Variants in VEPH1 observed in about 807,000 individuals in gnomAD.
VEPH1 encodes the protein ventricular zone expressed PH domain containing 1, also known as ventricular zone-expressed PH domain-containing protein homolog 1.
VEPH1 carries 80 observed loss-of-function variants against 85.2 expected under a neutral mutation model. The ratio of observed to expected loss-of-function variants is 0.94; its 90% CI spans 0.78 to 1.13. The LOEUF is 1.13. Among genes scored for constraint, VEPH1 ranks in the 50% most tolerant of loss-of-function variants. The pLI, the probability that VEPH1 is intolerant of heterozygous loss-of-function variation, is 0.00. For missense variants in VEPH1, 955 were observed against 980.5 expected (o/e 0.97, Z 0.35); for synonymous variants, 297 against 348.0 (o/e 0.85, Z 1.63).
chr3:157,335,761 G>A (rs1290512977), intron 9 of VEPH1, among the ~76,000 whole-genome samples: 1 of 152,114 alleles, frequency 6.6e-6, no homozygotes, highest in African/African-American at 2.4e-5. Context: ...ATTCTGCTGG[G>A]AAAAAGATGG....
At chr3:157,318,728 G>A (rs755169221) in intron 9 of VEPH1, among the ~76,000 whole-genome samples, 23 of 151,946 alleles carry the variant, frequency 1.5e-4, no homozygotes, top group Admixed American at 1.5e-3. Flanking sequence ...TCTTACAATG[G>A]AAATGGACTA....
chr3:157,482,278 C>T (rs1390497284), intron 2 of VEPH1, among the ~76,000 whole-genome samples: 1 of 152,086 alleles, frequency 6.6e-6, no homozygotes, highest in Admixed American at 6.6e-5. Flanking sequence ...GGCTGGAGTG[C>T]AGTGATGGGA....
At chr3:157,502,916 C>T (rs1740228217) in intron 1 of VEPH1, among the ~76,000 whole-genome samples, 1 of 152,106 alleles carries the variant, frequency 6.6e-6, no homozygotes, top group African/African-American at 2.4e-5. Context: ...TTGCTGGTTG[C>T]AAAATGTTGA....
chr3:157,331,613 C>G (rs1172936050), intron 9 of VEPH1, among the ~76,000 whole-genome samples: 1 of 152,138 alleles, frequency 6.6e-6, no homozygotes, highest in African/African-American at 2.4e-5. Flanking sequence ...CACCTCTGGC[C>G]AGGGCAATAG....
chr3:157,314,729 T>A (rs1244462934), intron 10 of VEPH1, among the ~76,000 whole-genome samples: 2 of 152,026 alleles, frequency 1.3e-5, no homozygotes, highest in African/African-American at 2.4e-5. Flanking sequence ...ACAAAAACAG[T>A]TTTAATTCTA....
chr3:157,437,422 A>G, intron 4 of VEPH1: 6 of 1,480,926 alleles, frequency 4.1e-6, no homozygotes, highest in Non-Finnish European at 5.5e-6. Flanking sequence ...ACGGGCTGCA[A>G]CTTGGCACCA....
At chr3:157,303,191 G>A (rs896473391) in intron 11 of VEPH1, among the ~76,000 whole-genome samples, 2 of 152,014 alleles carry the variant, frequency 1.3e-5, no homozygotes, top group Admixed American at 6.5e-5. Flanking sequence ...AGGCCTTTGT[G>A]CAAATTGTTC....
At chr3:157,449,893 T>C (rs1201076274) in intron 4 of VEPH1, among the ~76,000 whole-genome samples, 3 of 151,728 alleles carry the variant, frequency 2.0e-5, no homozygotes, top group African/African-American at 7.2e-5. Context: ...GGGTATTGTA[T>C]ATTTTTCTAC....
At chr3:157,428,805 A>G (rs1732936213) in intron 4 of VEPH1, among the ~76,000 whole-genome samples, 1 of 152,230 alleles carries the variant, frequency 6.6e-6, no homozygotes, top group Admixed American at 6.5e-5. Context: ...GTTCCAATAA[A>G]GAATTCCTGA....
At chr3:157,281,641 G>A (rs1346481822) in intron 12 of VEPH1, among the ~76,000 whole-genome samples, 2 of 151,766 alleles carry the variant, frequency 1.3e-5, no homozygotes, top group East Asian at 1.9e-4. Context: ...TGGTTCAAGC[G>A]ATTCTCCTGC....
chr3:157,271,814 C>T (rs901678943), intron 12 of VEPH1, among the ~76,000 whole-genome samples: 2 of 151,860 alleles, frequency 1.3e-5, no homozygotes, highest in Non-Finnish European at 2.9e-5. Context: ...TCAAATTCAA[C>T]AAAGTTCAGA....
At chr3:157,365,337 A>G (rs1726519393) in intron 7 of VEPH1, among the ~76,000 whole-genome samples, 1 of 152,176 alleles carries the variant, frequency 6.6e-6, no homozygotes, top group African/African-American at 2.4e-5. Context: ...ACCACTATCC[A>G]TTTTTATAAC....
Position 157,282,073 on chromosome 3 carries a change from C to T in VEPH1, c.2128+4484G>A, listed in dbSNP as rs1264956071. ...TGCTGTTACCAATTCTTTTGACTGT[C>T]TGAAAAAACTCTCCTGACACAGGAG... On this transcript the variant is annotated intron_variant, in intron 12 of 13. Coordinates refer to ENST00000362010, the MANE Select transcript of VEPH1 (RefSeq NM_001167912.2). Among the ~76,000 whole-genome samples, 3 of 152,292 alleles carry T rather than the reference C, an allele frequency of 2.0e-5. No homozygotes were observed. The East Asian group carries it at 5.8e-4, about 29-fold the overall frequency.
At chr3:157,312,908 T>A (rs1266446953) in intron 11 of VEPH1, among the ~76,000 whole-genome samples, 356 of 141,636 alleles carry the variant, frequency 2.5e-3, no homozygotes, top group African/African-American at 9.1e-3. Context: ...ACATTTTTTT[T>A]TTTTTTTTTT....
At chr3:157,370,385 G>C (rs1260046352) in intron 7 of VEPH1, among the ~76,000 whole-genome samples, 3 of 152,218 alleles carry the variant, frequency 2.0e-5, no homozygotes, top group Non-Finnish European at 4.4e-5. Context: ...TCCAGGATAT[G>C]TACTCCTGCA....
chr3:157,502,794 G>GA (rs2109802662), intron 1 of VEPH1, among the ~76,000 whole-genome samples: 1 of 152,060 alleles, frequency 6.6e-6, no homozygotes, highest in South Asian at 2.1e-4. Context: ...AACACCAAAG[G>GA]AAAAAACGGC....
At chr3:157,315,843 A>T (rs969264551) in intron 10 of VEPH1, 2 of 152,076 alleles carry the variant, frequency 1.3e-5, no homozygotes, top group Non-Finnish European at 2.9e-5. Flanking sequence ...AAAGCCAAAG[A>T]TGAAACCAAA....
chr3:157,352,628 A>C (rs184312466), intron 9 of VEPH1, among the ~76,000 whole-genome samples: 1 of 152,356 alleles, frequency 6.6e-6, no homozygotes. Flanking sequence ...TATGAAAGAA[A>C]AGTTTTGTTT....
At chr3:157,473,963 T>C (rs1384914779) in intron 2 of VEPH1, among the ~76,000 whole-genome samples, 1 of 152,210 alleles carries the variant, frequency 6.6e-6, no homozygotes, top group Non-Finnish European at 1.5e-5. Flanking sequence ...TTTGCATTCC[T>C]GGAACATGTT....
Sources: allele counts gnomAD v4.1 joint callset (sites outside exome capture counted in the v4.1 genomes callset), GRCh38; gene constraint gnomAD v4.1.1; transcripts MANE v1.5; gene names NCBI Gene and HGNC (gene_info 2026-07-23, HGNC 2026-07-21).